The following UPP2 variants were observed in gnomAD, a reference collection of about 807,000 sequenced individuals.
The protein encoded by UPP2 is uridine phosphorylase 2.
Under a neutral mutation model 26.7 loss-of-function variants are expected in UPP2, and 23 were observed. That is an observed-to-expected ratio of 0.86 (90% CI 0.62 to 1.22). UPP2 has a LOEUF of 1.22. Ranked by LOEUF, UPP2 falls within the 50% of genes most tolerant of loss-of-function variation. UPP2 has a pLI of 0.00. For missense variants in UPP2, 387 were observed against 396.7 expected (o/e 0.98, Z 0.21); for synonymous variants, 127 against 141.3 (o/e 0.90, Z 0.72).
At chr2:158,063,608 T>C (rs1345515747) in intron 3 of UPP2, among the ~76,000 whole-genome samples, 1 of 152,084 alleles carries the variant, frequency 6.6e-6, no homozygotes, top group Non-Finnish European at 1.5e-5. Flanking sequence ...TTTCTTTTTT[T>C]TTTTTATACT....
chr2:158,124,437 A>G, intron 6 of UPP2, among the ~76,000 whole-genome samples: 1 of 152,158 alleles, frequency 6.6e-6, no homozygotes. Context: ...GGGAAGATGT[A>G]CAGATTGTGT....
At chr2:158,036,286 A>G (rs1243138321) in intron 3 of UPP2, among the ~76,000 whole-genome samples, 1 of 152,180 alleles carries the variant, frequency 6.6e-6, no homozygotes, top group Admixed American at 6.5e-5. Flanking sequence ...TTTTTAAGGT[A>G]TAATTTCAAA....
chr2:158,133,259 AG>A (rs1235921947), intron 6 of UPP2, among the ~76,000 whole-genome samples: 2 of 152,372 alleles, frequency 1.3e-5, no homozygotes, highest in Middle Eastern at 3.4e-3. Context: ...AAGTGAAATA[AG>A]CCAGGCACAG....
Position 158,046,893 on chromosome 2 carries a change from C to T in UPP2, c.147+31007C>T, listed in dbSNP as rs565012651. Among the ~76,000 whole-genome samples the T allele has an allele frequency of 4.6e-5, 7 of 152,218 alleles. No individual in the cohort carries two copies. The South Asian group carries it at 1.5e-3, about 32-fold the overall frequency. On this transcript the variant is annotated intron_variant, in intron 3 of 9. Coordinates refer to the UPP2 transcript ENST00000605860. The stretch of plus-strand genomic sequence containing the variant: ...ATGCAGAATTTTATTTTTATAACTA[C>T]TCAGATATTATAGTTAATAAGATGT...
chr2:158,101,926 G>T lies in UPP2; in HGVS notation c.-138G>T. 7.3e-7 allele frequency: 1 copy of T among 1,372,156 alleles called. No homozygotes were observed. 85.0% of individuals were successfully genotyped at this position (1,372,156 alleles called of 1,614,324 possible). On this transcript the variant is annotated 5_prime_UTR_variant, in exon 1 of 7. Transcript: ENST00000005756. ...AAAAATTTTCTTAGCAATTTCACAGGAAAACCTAAGTTTTAAGAGAGGTTA... is the reference window on the plus strand; with the variant it reads ...AAAAATTTTCTTAGCAATTTCACAGTAAAACCTAAGTTTTAAGAGAGGTTA...
intron 6 of UPP2, chr2:158,127,849 C>A: frequency 3.9e-6 from 1 of 253,692 alleles, no homozygotes; most frequent in Non-Finnish European, 6.2e-6. Context: ...CCCAATTATT[C>A]CAAAGCTAAA....
At chr2:158,006,592 GA>G (rs1683493526) in intron 2 of UPP2, among the ~76,000 whole-genome samples, 1 of 151,300 alleles carries the variant, frequency 6.6e-6, no homozygotes, top group African/African-American at 2.4e-5. Context: ...ATCTTCTCCA[GA>G]AACAAGGGAG....
chr2:158,056,049 A>G (rs753496724), intron 3 of UPP2, among the ~76,000 whole-genome samples: 1 of 152,208 alleles, frequency 6.6e-6, no homozygotes, highest in Non-Finnish European at 1.5e-5. Flanking sequence ...TGCCTTTAGG[A>G]TGATCGCTTT....
At chr2:158,067,218 T>C (rs1027018430) in intron 3 of UPP2, among the ~76,000 whole-genome samples, 1 of 152,144 alleles carries the variant, frequency 6.6e-6, no homozygotes, top group Non-Finnish European at 1.5e-5. Context: ...AATGGTGATG[T>C]GTATTAAGGT....
At chr2:158,012,491 C>T (rs1683597298) in intron 2 of UPP2, among the ~76,000 whole-genome samples, 1 of 151,902 alleles carries the variant, frequency 6.6e-6, no homozygotes, top group Non-Finnish European at 1.5e-5. Flanking sequence ...TGGTCTCAAA[C>T]TCCTGACCTC....
Position 158,135,488 on chromosome 2 carries a change from T to C in UPP2, c.*598T>C, listed in dbSNP as rs1220372729. On this transcript the variant is annotated 3_prime_UTR_variant, in exon 7 of 7. Transcript: ENST00000005756. ...TGATTTTATCTCAGAATATAACAACTCTGGATTACATTTTCCTCTCAACTG... is the reference window on the plus strand; with the variant it reads ...TGATTTTATCTCAGAATATAACAACCCTGGATTACATTTTCCTCTCAACTG... 2 of 152,194 alleles carry C rather than the reference T, an allele frequency of 1.3e-5. No individual in the cohort carries two copies. Among genetic ancestry groups the C allele is most frequent in the Non-Finnish European group, 2.9e-5 (2 of 68,040 alleles). The allele number at this position is 152,194 out of a possible 1,614,324, so 9.4% of individuals were successfully genotyped here. A position where few individuals can be genotyped will look rare whatever the true frequency, so the allele number is the denominator to read the frequency against.
chr2:158,076,546 T>C (rs1449366609), intron 3 of UPP2, among the ~76,000 whole-genome samples: 1 of 152,024 alleles, frequency 6.6e-6, no homozygotes, highest in African/African-American at 2.4e-5. Flanking sequence ...GTACATCATA[T>C]CAACAGAATG....
In UPP2 at chr2:158,135,641, A is replaced by C. The variant is rs1683915765; in HGVS notation, c.*751A>C. 2 of 152,186 alleles carry C rather than the reference A, an allele frequency of 1.3e-5. No individual in the cohort carries two copies. Among genetic ancestry groups the C allele is most frequent in the Admixed American group, 6.5e-5 (1 of 15,278 alleles). The allele number at this position is 152,186 out of a possible 1,614,324, so 9.4% of individuals were successfully genotyped here. ...GAGGCTGTATTTTTTATTCCATTTCAATATTAACCAAATAGGCTGAGAAAT... is the reference window on the plus strand; with the variant it reads ...GAGGCTGTATTTTTTATTCCATTTCCATATTAACCAAATAGGCTGAGAAAT... On this transcript the variant is annotated 3_prime_UTR_variant, in exon 7 of 7. Coordinates refer to ENST00000005756, the MANE Select transcript of UPP2 (RefSeq NM_173355.4).
chr2:158,133,514 A>G (rs1459374683), intron 6 of UPP2, among the ~76,000 whole-genome samples: 1 of 152,174 alleles, frequency 6.6e-6, no homozygotes, highest in Non-Finnish European at 1.5e-5. Context: ...GTAGATTTTA[A>G]TTGTTTTCAC....
At chr2:158,053,588 G>A (rs1682193244) in intron 3 of UPP2, among the ~76,000 whole-genome samples, 1 of 152,164 alleles carries the variant, frequency 6.6e-6, no homozygotes, top group Non-Finnish European at 1.5e-5. Flanking sequence ...GCAAATGGAT[G>A]GATGGATGGA....
In UPP2 at chr2:158,117,476, C is replaced by A. The variant is rs1296007395; in HGVS notation, c.340-348C>A. Among the ~76,000 whole-genome samples the A allele has an allele frequency of 3.3e-5, 5 of 152,016 alleles. No individual in the cohort carries two copies. In the East Asian group the frequency reaches 5.8e-4, roughly 18 times the overall value. ...AATCAAGTCAATCGTGCAAAAAGCT[C>A]TTTTTCAAAGGCTCATCATGAAGAG... On this transcript the variant is annotated intron_variant, in intron 3 of 6. Coordinates refer to ENST00000005756, the MANE Select transcript of UPP2 (RefSeq NM_173355.4).
chr2:158,050,927 G>A (rs1035475261), intron 3 of UPP2, among the ~76,000 whole-genome samples: 5 of 152,034 alleles, frequency 3.3e-5, no homozygotes, highest in African/African-American at 1.2e-4. Context: ...AGTATAATTG[G>A]ACTGTTTGTA....
intron 3 of UPP2, among the ~76,000 whole-genome samples, chr2:158,076,691 T>C (rs1020204102): frequency 9.2e-5 from 14 of 152,196 alleles, no homozygotes; most frequent in African/African-American, 3.1e-4. Flanking sequence ...AAGCCATATG[T>C]GAAAGACTCA....
intron 3 of UPP2, among the ~76,000 whole-genome samples, chr2:158,071,787 C>T (rs1177401169): frequency 6.6e-6 from 1 of 152,006 alleles, no homozygotes; most frequent in Non-Finnish European, 1.5e-5. Flanking sequence ...CATCTACTGA[C>T]TAAAGAGCCC....
Sources: gnomAD v4.1 joint callset for allele counts (sites outside exome capture counted in the v4.1 genomes callset) on GRCh38, gnomAD v4.1.1 for gene constraint, MANE v1.5 for transcripts, NCBI Gene and HGNC (gene_info 2026-07-23, HGNC 2026-07-21) for gene names.